Variants in RIMS2 observed in about 807,000 individuals in gnomAD.
RIMS2 encodes regulating synaptic membrane exocytosis 2.
Under a neutral mutation model 174.4 loss-of-function variants are expected in RIMS2, and 59 were observed. That is an observed-to-expected ratio of 0.34 (90% CI 0.27 to 0.42). RIMS2 has a LOEUF of 0.42. RIMS2 is among the 10% of genes least tolerant of loss of function. The pLI, the probability that RIMS2 is intolerant of heterozygous loss-of-function variation, is 1.00. For missense variants in RIMS2, 1,620 were observed against 1,666.3 expected, an observed-to-expected ratio of 0.97 and a Z score of 0.48; for synonymous variants, 606 against 572.5, an observed-to-expected ratio of 1.06 and a Z score of -0.84.
At chr8:103,733,740 C>G (rs1459913985) in intron 2 of RIMS2, among the ~76,000 whole-genome samples, 2 of 152,202 alleles carry the variant, frequency 1.3e-5, no homozygotes, top group Admixed American at 1.3e-4. Flanking sequence ...TGTTCTCTCC[C>G]TCCTCCAAAC....
At chr8:103,703,182 T>C (rs1476313911) in intron 2 of RIMS2, among the ~76,000 whole-genome samples, 1 of 151,982 alleles carries the variant, frequency 6.6e-6, no homozygotes, top group Non-Finnish European at 1.5e-5. Context: ...GAGATCTCAC[T>C]ATGTTGTCCT....
chr8:103,572,090 C>T (rs976913983), intron 1 of RIMS2, among the ~76,000 whole-genome samples: 11 of 152,048 alleles, frequency 7.2e-5, no homozygotes, highest in Non-Finnish European at 1.5e-4. Flanking sequence ...GGAGTTTGTT[C>T]CTTCCGATGT....
chr8:103,794,353 A>T (rs945535078), intron 3 of RIMS2, among the ~76,000 whole-genome samples: 10 of 152,224 alleles, frequency 6.6e-5, no homozygotes, highest in African/African-American at 2.4e-4. Flanking sequence ...TATTTAATCA[A>T]TGGTGCTGGG....
intron 1 of RIMS2, 28 bp from the exon 4 acceptor site, chr8:103,697,057 AC>A (rs750947138): frequency 1.6e-5 from 25 of 1,545,202 alleles, no homozygotes; most frequent in Non-Finnish European, 2.2e-5. Flanking sequence ...CAGGAAACCA[AC>A]TTTTTTTCTT....
intron 2 of RIMS2, among the ~76,000 whole-genome samples, chr8:103,761,509 T>G (rs2098112894): frequency 6.6e-6 from 1 of 152,222 alleles, no homozygotes; most frequent in East Asian, 1.9e-4. Context: ...TTCCTGTGGC[T>G]TCCTTATCTC....
At chr8:104,230,078 AAGACC>A (rs1252108788) in intron 19 of RIMS2, among the ~76,000 whole-genome samples, 1 of 152,012 alleles carries the variant, frequency 6.6e-6, no homozygotes, top group Non-Finnish European at 1.5e-5. Flanking sequence ...TCGGGAGTTC[AAGACC>A]AGCCTGACCA....
chr8:104,097,265 GT>G (rs1435224177), intron 19 of RIMS2, among the ~76,000 whole-genome samples: 9 of 152,170 alleles, frequency 5.9e-5, no homozygotes, highest in African/African-American at 2.2e-4. Flanking sequence ...ATTCATTTAT[GT>G]TTTATAGACA....
chr8:104,222,728 A>T (rs1378936074), intron 19 of RIMS2, among the ~76,000 whole-genome samples: 6 of 152,220 alleles, frequency 3.9e-5, no homozygotes, highest in Admixed American at 2.6e-4. Context: ...ACAGGATGTT[A>T]TACCTTTTGC....
At chr8:104,194,686 A>G (rs2099015249) in intron 19 of RIMS2, among the ~76,000 whole-genome samples, 2 of 152,074 alleles carry the variant, frequency 1.3e-5, no homozygotes, top group Admixed American at 1.3e-4. Context: ...TAGACATATT[A>G]TATAACATAG....
chr8:103,989,350 A>G, exon 17 of RIMS2: 1 of 1,613,784 alleles, frequency 6.2e-7, no homozygotes, highest in Non-Finnish European at 8.5e-7. Flanking sequence ...CTATGACCGG[A>G]CATTATAATA....
At chr8:103,940,398 A>G (rs2082255410) in intron 13 of RIMS2, among the ~76,000 whole-genome samples, 1 of 152,144 alleles carries the variant, frequency 6.6e-6, no homozygotes, top group South Asian at 2.1e-4. Context: ...CACCTCCATT[A>G]TTCAATTACC....
intron 1 of RIMS2, among the ~76,000 whole-genome samples, chr8:103,564,889 C>T (rs2092138398): frequency 6.6e-6 from 1 of 152,146 alleles, no homozygotes; most frequent in Non-Finnish European, 1.5e-5. Context: ...GCTGGTCTTA[C>T]CATTTTTTAG....
intron 19 of RIMS2, among the ~76,000 whole-genome samples, chr8:104,091,844 T>C (rs1456110344): frequency 6.6e-6 from 1 of 151,688 alleles, no homozygotes; most frequent in Non-Finnish European, 1.5e-5. Flanking sequence ...TAATGTTTCT[T>C]TTAAAATTAA....
intron 1 of RIMS2, among the ~76,000 whole-genome samples, chr8:103,504,394 G>A (rs1311145124): frequency 6.6e-6 from 1 of 151,956 alleles, no homozygotes; most frequent in Non-Finnish European, 1.5e-5. Context: ...GGGACAATGA[G>A]GAATCATTGT....
At chr8:104,252,232 G>A (rs1588305756), downstream of RIMS2, 1 of 193,612 alleles carries the variant, frequency 5.2e-6, no homozygotes, top group Non-Finnish European at 1.1e-5. Flanking sequence ...ATGAAGCGGT[G>A]TTACAGGTGA....
At chr8:103,645,667 C>T (rs1226152600) in intron 1 of RIMS2, among the ~76,000 whole-genome samples, 4 of 152,022 alleles carry the variant, frequency 2.6e-5, no homozygotes, top group Non-Finnish European at 5.9e-5. Context: ...CCTTTATTAT[C>T]CTTGTGCATG....
At chr8:103,928,680 A>G (rs2079261317) in intron 11 of RIMS2, among the ~76,000 whole-genome samples, 1 of 151,224 alleles carries the variant, frequency 6.6e-6, no homozygotes, top group East Asian at 1.9e-4. Flanking sequence ...ATTCTTGTTA[A>G]TATTATACAA....
At chr8:103,954,905 T>C (rs1268922339) in intron 14 of RIMS2, among the ~76,000 whole-genome samples, 1 of 151,832 alleles carries the variant, frequency 6.6e-6, no homozygotes, top group Non-Finnish European at 1.5e-5. Context: ...CAGTAAAAAA[T>C]GATAAAGGGG....
exon 11 of RIMS2, chr8:103,927,852 T>G (rs759714718): frequency 7.5e-6 from 12 of 1,607,762 alleles, no homozygotes; most frequent in Non-Finnish European, 1.0e-5. Flanking sequence ...AGCCAAAGCC[T>G]TAGTAGAAGA....
Sources: allele counts gnomAD v4.1 joint callset (sites outside exome capture counted in the v4.1 genomes callset), GRCh38; gene constraint gnomAD v4.1.1; transcripts MANE v1.5; gene names NCBI Gene and HGNC (gene_info 2026-07-23, HGNC 2026-07-21).